Variants in RREB1 observed in about 807,000 individuals in gnomAD.
RREB1 encodes the protein ras-responsive element-binding protein 1.
Under a neutral mutation model 117.8 loss-of-function variants are expected in RREB1, and 27 were observed. That is an observed-to-expected ratio of 0.23 (90% confidence interval 0.17 to 0.32). The LOEUF is 0.32. RREB1 is among the 10% of genes least tolerant of loss of function. The pLI is 1.00. For missense variants in RREB1, 2,577 were observed against 2,378.2 expected (o/e 1.08, Z -1.74); for synonymous variants, 1,298 against 1,026.7 (o/e 1.26, Z -5.05).
intron 6 of RREB1, among the ~76,000 whole-genome samples, chr6:7,195,439 G>A (rs1424026660): frequency 1.3e-5 from 2 of 152,188 alleles, no homozygotes; most frequent in African/African-American, 4.8e-5. Flanking sequence ...ATCTGTTCCA[G>A]AATCTGAGAC....
At chr6:7,178,955 A>G (rs1185648845) in intron 2 of RREB1, among the ~76,000 whole-genome samples, 2 of 152,192 alleles carry the variant, frequency 1.3e-5, no homozygotes, top group Non-Finnish European at 2.9e-5. Flanking sequence ...CAGCCCTTAC[A>G]TTGGTTAACT....
rs772580406 is a variant in RREB1 at position 7,230,926 on chromosome 6, T to C, written c.2827T>C (p.Phe943Leu). ...CATCGACCTGTCCATCCCCAAGAACTTCAGGAAAGGGGACAAGGATTTGGC... is the reference window on the plus strand; with the variant it reads ...CATCGACCTGTCCATCCCCAAGAACCTCAGGAAAGGGGACAAGGATTTGGC... ...EPIDLSIPKNFRKGDKDLATP... is the reference protein window; with the variant it reads ...EPIDLSIPKNLRKGDKDLATP... Residue 943 changes from phenylalanine (F) to leucine (L), a missense_variant, in exon 10 of 13, where the codon TTC (phenylalanine) becomes CTC (leucine). Phe to Leu is a conservative substitution (Grantham distance 22). Transcript: ENST00000379938. 11 of 1,613,904 alleles carry C rather than the reference T, an allele frequency of 6.8e-6. No homozygotes were observed. The highest frequency in any genetic ancestry group is 1.7e-5 in the Admixed American group (1 of 59,982).
intron 11 of RREB1, among the ~76,000 whole-genome samples, chr6:7,245,317 C>G (rs1208328758): frequency 6.6e-6 from 1 of 152,144 alleles, no homozygotes; most frequent in Admixed American, 6.5e-5. Context: ...ATTGCTTGAA[C>G]CCGGGAGGTG....
At chr6:7,167,878 T>A (rs963076667) in intron 1 of RREB1, among the ~76,000 whole-genome samples, 1 of 152,160 alleles carries the variant, frequency 6.6e-6, no homozygotes, top group African/African-American at 2.4e-5. Context: ...GGCAGTGTTA[T>A]CAGCTTCATT....
intron 11 of RREB1, among the ~76,000 whole-genome samples, chr6:7,246,018 TG>T (rs1438019862): frequency 2.6e-5 from 4 of 152,180 alleles, no homozygotes; most frequent in Non-Finnish European, 5.9e-5. Flanking sequence ...ATGATCTCTT[TG>T]CACTGGAAAA....
intron 1 of RREB1, among the ~76,000 whole-genome samples, chr6:7,140,019 T>C (rs746546405): frequency 3.3e-5 from 5 of 152,146 alleles, no homozygotes; most frequent in African/African-American, 4.8e-5. Flanking sequence ...GCAAAGAGAG[T>C]GTACTGCAAG....
At chr6:7,145,802 C>T (rs1268572860) in intron 1 of RREB1, among the ~76,000 whole-genome samples, 1 of 151,102 alleles carries the variant, frequency 6.6e-6, no homozygotes, top group Non-Finnish European at 1.5e-5. Context: ...CAGTAATGGG[C>T]CCCGTCTTTT....
chr6:7,242,641 T>G (rs1463268414), intron 11 of RREB1, among the ~76,000 whole-genome samples: 2 of 101,100 alleles, frequency 2.0e-5, no homozygotes, highest in Admixed American at 1.9e-4. Context: ...TCATTCTGGG[T>G]TCCCCCCCCC....
chr6:7,115,309 A>T (rs1034569602), intron 1 of RREB1, among the ~76,000 whole-genome samples: 2 of 151,922 alleles, frequency 1.3e-5, no homozygotes, highest in South Asian at 4.2e-4. Context: ...GTCAGGAGTG[A>T]TCTTTTAGCC....
chr6:7,211,451 G>GA, intron 7 of RREB1, 122 bp from the exon 8 acceptor site: 2 of 845,556 alleles, frequency 2.4e-6, no homozygotes, highest in South Asian at 3.2e-5. Context: ...TAATAATCAG[G>GA]ATTGGATAAT....
At chr6:7,211,482 T>C in intron 7 of RREB1, 91 bp from the exon 8 acceptor site, 7 of 1,185,862 alleles carry the variant, frequency 5.9e-6, no homozygotes, top group Non-Finnish European at 8.7e-6. Context: ...CCTTTTATTA[T>C]TGTAAATCTC....
chr6:7,242,992 C>A (rs1475981490), intron 11 of RREB1, among the ~76,000 whole-genome samples: 1 of 152,184 alleles, frequency 6.6e-6, no homozygotes, highest in African/African-American at 2.4e-5. Context: ...GGTCCTTCCT[C>A]CGATGATGCC....
intron 1 of RREB1, among the ~76,000 whole-genome samples, chr6:7,163,558 A>AT (rs1226109392): frequency 3.3e-5 from 5 of 151,030 alleles, no homozygotes; most frequent in Non-Finnish European, 7.4e-5. Flanking sequence ...CGCCCGGCTA[A>AT]TTTTTTTTTG....
At chr6:7,128,446 G>T (rs574106625) in intron 1 of RREB1, among the ~76,000 whole-genome samples, 1 of 152,202 alleles carries the variant, frequency 6.6e-6, no homozygotes, top group South Asian at 2.1e-4. Flanking sequence ...GGGAAGCAGA[G>T]CACCATGTAT....
At chr6:7,111,025 C>A (rs959681479) in intron 1 of RREB1, among the ~76,000 whole-genome samples, 1 of 152,146 alleles carries the variant, frequency 6.6e-6, no homozygotes, top group South Asian at 2.1e-4. Context: ...AACAAGCGAC[C>A]TTTTGATTGA....
rs943641761 is a variant in RREB1, at chr6:7,229,317, C to T, written c.1218C>T (p.Cys406=). The change falls in exon 10 of 13, where the codon TGC becomes TGT. Residue 406 remains cysteine, a synonymous_variant. Transcript: ENST00000379938. The surrounding 1 kb of genome is among the most constrained non-coding windows in gnomAD (Gnocchi z 4.5). ...LKCQLPQDPG[C]TNLLSLSPFE... ...GTCAGCTACCTCAGGACCCCGGCTG[C>T]ACCAACCTGCTGAGCCTGTCACCTT... is the stretch of plus-strand genomic sequence containing the variant. The T allele has an allele frequency of 4.3e-6, 7 of 1,614,088 alleles. No homozygotes were observed. Among genetic ancestry groups the T allele is most frequent in the Non-Finnish European group, 5.9e-6 (7 of 1,180,040 alleles).
intron 1 of RREB1, among the ~76,000 whole-genome samples, chr6:7,172,983 T>A (rs553981508): frequency 6.6e-6 from 1 of 152,290 alleles, no homozygotes; most frequent in East Asian, 1.9e-4. Context: ...CCCTCCTGGC[T>A]CAGACCATTT....
intron 6 of RREB1, among the ~76,000 whole-genome samples, chr6:7,192,971 G>A (rs1405759158): frequency 6.6e-6 from 1 of 152,044 alleles, no homozygotes. Flanking sequence ...ATAAGTTTTT[G>A]TATGTTGTGT....
Position 7,189,326 on chromosome 6 carries a change from G to A in RREB1, c.425+4G>A, listed in dbSNP as rs1285216284. ...CCACCAATGGGAACATGCACAGGTG[G>A]GTGAGGGCGCCCTTTGCTTGGGGGG... On this transcript the variant is annotated splice_donor_region_variant and intron_variant, in intron 6 of 12. Coordinates refer to ENST00000379938, the MANE Select transcript of RREB1 (RefSeq NM_001003699.4). The A allele has an allele frequency of 6.4e-7, 1 of 1,573,334 alleles. No homozygotes were observed. Among genetic ancestry groups the A allele is most frequent in the Admixed American group, 1.8e-5 (1 of 54,572 alleles).
Sources: gnomAD v4.1 joint callset for allele counts (sites outside exome capture counted in the v4.1 genomes callset) on GRCh38, gnomAD v4.1.1 for gene constraint, Gnocchi (gnomAD v3.1) non-coding constraint, MANE v1.5 for transcripts, NCBI Gene and HGNC (gene_info 2026-07-23, HGNC 2026-07-21) for gene names.